GPR176: variants seen among roughly 807,000 people sequenced by gnomAD.
GPR176 encodes G-protein coupled receptor 176.
In GPR176, 26 loss-of-function variants were observed where a neutral mutation model predicts 35.4. That is an observed-to-expected ratio of 0.74 (90% CI 0.54 to 1.02). The LOEUF is 1.02. Among genes scored for constraint, GPR176 ranks in the 50% least tolerant of loss-of-function variants. The pLI, the probability that GPR176 is intolerant of heterozygous loss-of-function variation, is 0.00. For synonymous variants in GPR176, 278 were observed against 271.3 expected (o/e 1.02, Z -0.24); for missense variants, 597 against 665.3 (o/e 0.90, Z 1.13).
intron 1 of GPR176, among the ~76,000 whole-genome samples, chr15:39,842,734 A>G (rs907467571): frequency 1.3e-5 from 2 of 152,114 alleles, no homozygotes; most frequent in African/African-American, 4.8e-5. Flanking sequence ...CCGTGCCTCT[A>G]GAACTATGAG....
intron 1 of GPR176, among the ~76,000 whole-genome samples, chr15:39,857,041 T>G (rs955274767): frequency 6.6e-6 from 1 of 152,156 alleles, no homozygotes; most frequent in Non-Finnish European, 1.5e-5. Context: ...GCATTCCATA[T>G]ATATTTATTG....
intron 1 of GPR176, among the ~76,000 whole-genome samples, chr15:39,810,091 G>A (rs1268639760): frequency 6.6e-6 from 1 of 150,936 alleles, no homozygotes; most frequent in Non-Finnish European, 1.5e-5. Context: ...CTTGCAGTGA[G>A]CTGAGATCGT....
intron 2 of GPR176, among the ~76,000 whole-genome samples, chr15:39,805,764 AAG>A (rs1310050782): frequency 2.0e-5 from 3 of 152,358 alleles, no homozygotes; most frequent in South Asian, 2.1e-4. Context: ...AAGCCTGAGA[AAG>A]AGAGGCAAAT....
At chr15:39,883,559 T>C (rs1656613116) in intron 1 of GPR176, among the ~76,000 whole-genome samples, 1 of 152,142 alleles carries the variant, frequency 6.6e-6, no homozygotes, top group Admixed American at 6.5e-5. Context: ...AAGTTTTTCA[T>C]TATTAAAATT....
At chr15:39,903,989 T>C (rs2033352836) in intron 1 of GPR176, among the ~76,000 whole-genome samples, 1 of 152,198 alleles carries the variant, frequency 6.6e-6, no homozygotes, top group Non-Finnish European at 1.5e-5. Flanking sequence ...CTTGATGATA[T>C]GCTAAACAAG....
intron 1 of GPR176, chr15:39,807,766 A>G: frequency 3.9e-6 from 2 of 516,740 alleles, no homozygotes; most frequent in South Asian, 6.5e-5. Flanking sequence ...TCAACATGTA[A>G]TGATTACTTT....
At chr15:39,916,441 C>A (rs2140882479) in intron 1 of GPR176, among the ~76,000 whole-genome samples, 1 of 152,240 alleles carries the variant, frequency 6.6e-6, no homozygotes, top group Middle Eastern at 3.4e-3. Flanking sequence ...ATTTTCAACA[C>A]AGCAAATAAT....
chr15:39,879,729 T>C (rs1426944015), intron 1 of GPR176, among the ~76,000 whole-genome samples: 6 of 152,204 alleles, frequency 3.9e-5, no homozygotes, highest in Non-Finnish European at 8.8e-5. Flanking sequence ...CACCTCGAAG[T>C]TGGGAATAAG....
intron 1 of GPR176, among the ~76,000 whole-genome samples, chr15:39,814,460 G>A (rs1288372251): frequency 2.0e-5 from 3 of 152,116 alleles, no homozygotes; most frequent in African/African-American, 7.2e-5. Flanking sequence ...TATTCAGTTA[G>A]TTTACTATGG....
chr15:39,830,894 C>A (rs1369401602), intron 1 of GPR176, among the ~76,000 whole-genome samples: 1 of 152,182 alleles, frequency 6.6e-6, no homozygotes, highest in African/African-American at 2.4e-5. Flanking sequence ...CAGAGACTCT[C>A]ACACAAAAGT....
At chr15:39,871,977 G>A (rs1013511474) in intron 1 of GPR176, among the ~76,000 whole-genome samples, 5 of 152,178 alleles carry the variant, frequency 3.3e-5, no homozygotes, top group African/African-American at 1.2e-4. Flanking sequence ...GCTTTTTAAT[G>A]GGAAAGGGAT....
intron 1 of GPR176, among the ~76,000 whole-genome samples, chr15:39,850,466 T>C (rs1488932330): frequency 6.6e-6 from 1 of 152,176 alleles, no homozygotes; most frequent in African/African-American, 2.4e-5. Context: ...AAGTTCCACA[T>C]ACATATGGTA....
intron 1 of GPR176, among the ~76,000 whole-genome samples, chr15:39,910,178 A>G (rs1214262551): frequency 1.3e-5 from 2 of 152,274 alleles, no homozygotes; most frequent in Non-Finnish European, 2.9e-5. Context: ...AATGTGGTAT[A>G]TGTTGTAAAC....
chr15:39,825,348 A>G (rs767099874), intron 1 of GPR176, among the ~76,000 whole-genome samples: 9 of 152,200 alleles, frequency 5.9e-5, no homozygotes, highest in Non-Finnish European at 1.0e-4. Flanking sequence ...ACTTAATTTT[A>G]TGTAAGTGGC....
intron 1 of GPR176, among the ~76,000 whole-genome samples, chr15:39,884,815 G>T (rs963892987): frequency 6.6e-6 from 1 of 152,172 alleles, no homozygotes; most frequent in Non-Finnish European, 1.5e-5. Context: ...CCGCTGGTCA[G>T]ACCTGGTGAC....
chr15:39,841,300 T>G (rs1225890825), intron 1 of GPR176, among the ~76,000 whole-genome samples: 2 of 152,144 alleles, frequency 1.3e-5, no homozygotes, highest in Non-Finnish European at 2.9e-5. Context: ...CATACACTTC[T>G]GTTATAAGTT....
At chr15:39,877,292 T>G (rs567986163) in intron 1 of GPR176, among the ~76,000 whole-genome samples, 1 of 152,164 alleles carries the variant, frequency 6.6e-6, no homozygotes, top group Non-Finnish European at 1.5e-5. Context: ...AATAAGTTTC[T>G]CCTCTCCCCC....
At chr15:39,913,905 G>A (rs565300532) in intron 1 of GPR176, among the ~76,000 whole-genome samples, 1 of 152,294 alleles carries the variant, frequency 6.6e-6, no homozygotes, top group South Asian at 2.1e-4. Context: ...CATTAGCCGG[G>A]CATGGTGGTG....
chr15:39,910,312 G>C (rs957266962), intron 1 of GPR176, among the ~76,000 whole-genome samples: 2 of 152,202 alleles, frequency 1.3e-5, no homozygotes, highest in African/African-American at 4.8e-5. Context: ...CTTCAGCCGG[G>C]CATGGTGGCT....
Sources: allele counts gnomAD v4.1 joint callset (sites outside exome capture counted in the v4.1 genomes callset), GRCh38; gene constraint gnomAD v4.1.1; transcripts MANE v1.5; gene names NCBI Gene and HGNC (gene_info 2026-07-23, HGNC 2026-07-21).